TRAM2: variants seen among roughly 807,000 people sequenced by gnomAD.
TRAM2 encodes the protein translocating chain-associated membrane protein 2.
TRAM2 carries 12 observed loss-of-function variants against 51.0 expected under a neutral mutation model. The observed-to-expected ratio is 0.24, with a 90% confidence interval of 0.15 to 0.38. The LOEUF is 0.38. Ranked by LOEUF, TRAM2 falls within the 10% of genes least tolerant of loss-of-function variation. The pLI is 1.00. For synonymous variants in TRAM2, 175 were observed against 179.4 expected (o/e 0.98, Z 0.20); for missense variants, 361 against 462.0 (o/e 0.78, Z 2.00).
At chr6:52,554,706 ATGTGCCT>A (rs1263858441) in intron 1 of TRAM2, among the ~76,000 whole-genome samples, 1 of 151,020 alleles carries the variant, frequency 6.6e-6, no homozygotes, top group African/African-American at 2.4e-5. Flanking sequence ...CATTTCATCC[ATGTGCCT>A]TGTGTAGTTA....
At chr6:52,555,271 C>T (rs1477274957) in intron 1 of TRAM2, among the ~76,000 whole-genome samples, 1 of 151,778 alleles carries the variant, frequency 6.6e-6, no homozygotes, top group African/African-American at 2.4e-5. Context: ...CACCTGTGCC[C>T]TGGCTTCTAC....
At chr6:52,558,598 C>T (rs1250742039) in intron 1 of TRAM2, among the ~76,000 whole-genome samples, 2 of 152,150 alleles carry the variant, frequency 1.3e-5, no homozygotes, top group South Asian at 2.1e-4. Flanking sequence ...GACACTATTA[C>T]AGCAAACAAA....
rs1020264974 is a variant in TRAM2, at chr6:52,502,361, G to C, written c.*836C>G. On this transcript the variant is annotated 3_prime_UTR_variant, in exon 11 of 11. Transcript: ENST00000182527. Reference sequence around the variant, plus strand: ...AAAGGCCTAGGTCGACTCCACTGTGGGTTCTGCCACCATTACCTTTCTGGA... The same window carrying C: ...AAAGGCCTAGGTCGACTCCACTGTGCGTTCTGCCACCATTACCTTTCTGGA... 1 of 152,334 alleles carries C rather than the reference G, an allele frequency of 6.6e-6. No homozygotes were observed. Among genetic ancestry groups the C allele is most frequent in the Non-Finnish European group, 1.5e-5 (1 of 68,128 alleles). 9.4% of individuals were successfully genotyped at this position (152,334 alleles called of 1,614,324 possible).
At chr6:52,548,667 T>C (rs6932301) in intron 1 of TRAM2, among the ~76,000 whole-genome samples, 12,845 of 152,284 alleles carry the variant, frequency 0.084, 1,083 homozygotes, top group African/African-American at 0.22. Flanking sequence ...CCAAGATCCA[T>C]CTGACCGTGA....
intron 1 of TRAM2, among the ~76,000 whole-genome samples, chr6:52,566,497 C>T (rs1271580168): frequency 6.6e-6 from 1 of 152,120 alleles, no homozygotes; most frequent in East Asian, 1.9e-4. Flanking sequence ...ATCTCATCCC[C>T]TAAACCACTC....
At chr6:52,570,807 A>G (rs2397094) in intron 1 of TRAM2, among the ~76,000 whole-genome samples, 5 of 52,478 alleles carry the variant, frequency 9.5e-5, no homozygotes, top group Admixed American at 4.0e-4. Flanking sequence ...CCCCCCCCCC[A>G]CACGCACACA....
At chr6:52,565,227 G>A (rs933762496) in intron 1 of TRAM2, among the ~76,000 whole-genome samples, 9 of 152,300 alleles carry the variant, frequency 5.9e-5, no homozygotes, top group Non-Finnish European at 1.2e-4. Context: ...GAAAGGATCA[G>A]AAAAGATGAG....
chr6:52,521,565 C>CG (rs1212517232), intron 2 of TRAM2, among the ~76,000 whole-genome samples: 1 of 151,674 alleles, frequency 6.6e-6, no homozygotes, highest in African/African-American at 2.4e-5. Context: ...GGCGTGGTGG[C>CG]GGGCACCTGT....
chr6:52,508,362 T>A (rs1766388278), intron 5 of TRAM2, 44 bp from the exon 6 acceptor site: 1 of 1,588,200 alleles, frequency 6.3e-7, no homozygotes. Context: ...TAGAGAAAAG[T>A]GTCCCTGCAG....
At chr6:52,537,882 C>A (rs765541437) in intron 1 of TRAM2, among the ~76,000 whole-genome samples, 2 of 152,178 alleles carry the variant, frequency 1.3e-5, no homozygotes, top group Non-Finnish European at 2.9e-5. Context: ...GGAGCTGCCC[C>A]CAGTGCCATC....
intron 2 of TRAM2, among the ~76,000 whole-genome samples, chr6:52,530,503 T>C (rs1263090479): frequency 6.6e-6 from 1 of 152,216 alleles, no homozygotes; most frequent in Non-Finnish European, 1.5e-5. Context: ...ACAGGGTCTC[T>C]GCAGATGTAG....
intron 1 of TRAM2, among the ~76,000 whole-genome samples, chr6:52,549,606 T>C (rs1166462390): frequency 1.3e-5 from 2 of 152,234 alleles, no homozygotes; most frequent in African/African-American, 4.8e-5. Context: ...TGGATACAGA[T>C]ACTCAAAGAC....
At chr6:52,562,571 A>T (rs1023462494) in intron 1 of TRAM2, among the ~76,000 whole-genome samples, 1 of 151,946 alleles carries the variant, frequency 6.6e-6, no homozygotes, top group Non-Finnish European at 1.5e-5. Context: ...GAATTTTTTT[A>T]AATTATACTT....
chr6:52,535,681 TG>T, intron 2 of TRAM2, 101 bp downstream of exon 2: 4 of 1,025,768 alleles, frequency 3.9e-6, no homozygotes, highest in East Asian at 2.6e-5. Context: ...GACTCCGTCA[TG>T]GGGGAAAAAA....
At position 52,522,908 on chromosome 6, in the gene TRAM2, C is replaced by G. The variant is rs552812203; in HGVS notation, c.185-6171G>C. On this transcript the variant is annotated intron_variant, in intron 2 of 10. Transcript: ENST00000182527. ...GGTCACCTGCAAGCGGCTTCTCCTGCCTGCCTTTACATTTCCCAGTCCTGT... is the reference window on the plus strand; with the variant it reads ...GGTCACCTGCAAGCGGCTTCTCCTGGCTGCCTTTACATTTCCCAGTCCTGT... 1.1e-4 allele frequency: 74 copies of G among 702,516 alleles called. No individual in the cohort carries two copies. The East Asian group carries it at 1.9e-3, about 18-fold the overall frequency. 43.5% of individuals were successfully genotyped at this position (702,516 alleles called of 1,614,324 possible).
chr6:52,563,586 G>A (rs1217282682), intron 1 of TRAM2, among the ~76,000 whole-genome samples: 1 of 150,986 alleles, frequency 6.6e-6, no homozygotes, highest in African/African-American at 2.4e-5. Flanking sequence ...AGGCGTGGTG[G>A]TTGGCGCCTC....
intron 1 of TRAM2, among the ~76,000 whole-genome samples, chr6:52,546,875 G>A (rs1286616029): frequency 6.6e-6 from 1 of 152,150 alleles, no homozygotes; most frequent in African/African-American, 2.4e-5. Context: ...CCGTGACCAG[G>A]TTTTTGTTTT....
chr6:52,506,258 C>G (rs930194732), intron 7 of TRAM2, 122 bp from the exon 8 acceptor site: 2 of 835,284 alleles, frequency 2.4e-6, no homozygotes, highest in African/African-American at 3.3e-5. Flanking sequence ...CTCCCACTTT[C>G]CCTGGCTGGC....
At chr6:52,553,299 T>C (rs1767343214) in intron 1 of TRAM2, among the ~76,000 whole-genome samples, 1 of 152,204 alleles carries the variant, frequency 6.6e-6, no homozygotes, top group Admixed American at 6.5e-5. Context: ...AACAAATGTA[T>C]TTGGTAGAGA....
Sources: gnomAD v4.1 joint callset for allele counts (sites outside exome capture counted in the v4.1 genomes callset) on GRCh38, gnomAD v4.1.1 for gene constraint, MANE v1.5 for transcripts, NCBI Gene and HGNC (gene_info 2026-07-23, HGNC 2026-07-21) for gene names.